The following XKR6 variants were observed in gnomAD, a reference collection of about 807,000 sequenced individuals.
The protein encoded by XKR6 is XK-related protein 6.
In XKR6, 22 loss-of-function variants were observed where a neutral mutation model predicts 56.7. The observed-to-expected ratio is 0.39, with a 90% CI of 0.28 to 0.55. The LOEUF (loss-of-function observed/expected upper bound fraction) is 0.55. Among genes scored for constraint, XKR6 ranks in the 20% least tolerant of loss-of-function variants. XKR6 has a pLI of 0.66. For synonymous variants in XKR6, 524 were observed against 387.8 expected (o/e 1.35, Z -4.13); for missense variants, 852 against 889.0 (o/e 0.96, Z 0.53).
intron 1 of XKR6, among the ~76,000 whole-genome samples, chr8:11,117,128 C>T (rs893021707): frequency 4.6e-5 from 7 of 152,180 alleles, no homozygotes; most frequent in Admixed American, 2.0e-4. Context: ...GAACATTCAA[C>T]GTCAAAGATA....
At position 11,168,855 on chromosome 8, in the gene XKR6, T is replaced by C. The variant is rs186257458; in HGVS notation, c.764+31721A>G. ...CCCAACCCAGAAATGCCTTTGTTCT[T>C]TGTATAACCAGTGGGCTTCCAGGAA... On this transcript the variant is annotated intron_variant, in intron 1 of 2. Transcript: ENST00000416569. Among the ~76,000 whole-genome samples, 57 of 152,338 alleles carry C rather than the reference T, an allele frequency of 3.7e-4. No individual in the cohort carries two copies. In the East Asian group the frequency reaches 8.9e-3, roughly 24 times the overall value.
chr8:11,072,558 A>ACG (rs1800159883), intron 1 of XKR6, among the ~76,000 whole-genome samples: 3 of 152,180 alleles, frequency 2.0e-5, no homozygotes, highest in African/African-American at 7.2e-5. Context: ...TGATGAAGCC[A>ACG]AAAGTCCACA....
At chr8:10,981,263 G>A (rs971648982) in intron 1 of XKR6, among the ~76,000 whole-genome samples, 2 of 152,154 alleles carry the variant, frequency 1.3e-5, no homozygotes, top group African/African-American at 4.8e-5. Flanking sequence ...ATAGATTTTC[G>A]AGAGTGAAGT....
intron 1 of XKR6, among the ~76,000 whole-genome samples, chr8:11,059,429 G>A (rs1799770750): frequency 6.6e-6 from 1 of 151,868 alleles, no homozygotes; most frequent in African/African-American, 2.4e-5. Context: ...GCCGAGGGCA[G>A]CGCTCAGCTC....
chr8:11,139,017 T>A (rs970284202), intron 1 of XKR6, among the ~76,000 whole-genome samples: 1 of 152,156 alleles, frequency 6.6e-6, no homozygotes, highest in Non-Finnish European at 1.5e-5. Context: ...TGGATAATTT[T>A]CAGTAACTTG....
At position 11,053,184 on chromosome 8, in the gene XKR6, T is replaced by C. The variant is rs559511225; in HGVS notation, c.765-128354A>G. Reference sequence around the variant, plus strand: ...ATCCGCTATAGGCTGCCATGTGCCATTGTGGAGGAATCACTTCCTCATCCA... The same window carrying C: ...ATCCGCTATAGGCTGCCATGTGCCACTGTGGAGGAATCACTTCCTCATCCA... On this transcript the variant is annotated intron_variant, in intron 1 of 2. Transcript: ENST00000416569. Among the ~76,000 whole-genome samples, 480 of 152,306 alleles carry C rather than the reference T, an allele frequency of 3.2e-3. 2 individuals carry two copies. The highest frequency in any genetic ancestry group is 0.011 in the African/African-American group (458 of 41,572).
intron 1 of XKR6, among the ~76,000 whole-genome samples, chr8:11,100,845 G>A (rs748562123): frequency 1.3e-5 from 2 of 152,206 alleles, no homozygotes; most frequent in African/African-American, 4.8e-5. Flanking sequence ...TTTTGTTGGC[G>A]TTGGCCTCCG....
At chr8:11,031,766 G>T (rs777156427) in intron 1 of XKR6, among the ~76,000 whole-genome samples, 1 of 152,214 alleles carries the variant, frequency 6.6e-6, no homozygotes, top group African/African-American at 2.4e-5. Context: ...TAAAATAAAC[G>T]TGACAGTGAA....
At chr8:11,137,327 G>C (rs544198428) in intron 1 of XKR6, 18 of 318,982 alleles carry the variant, frequency 5.6e-5, no homozygotes, top group African/African-American at 3.7e-4. Context: ...CAGAGCATAA[G>C]TGAGAAAAAG....
intron 1 of XKR6, among the ~76,000 whole-genome samples, chr8:11,044,896 G>T (rs570049376): frequency 6.6e-5 from 10 of 152,058 alleles, no homozygotes; most frequent in African/African-American, 1.4e-4. Flanking sequence ...GGGATTACAG[G>T]CGTGAGCCAC....
chr8:11,192,439 C>T (rs558133324), intron 1 of XKR6, among the ~76,000 whole-genome samples: 2 of 152,206 alleles, frequency 1.3e-5, no homozygotes, highest in South Asian at 2.1e-4. Context: ...TGAGCCACAG[C>T]GCCTGGCCTA....
At chr8:10,928,504 G>C (rs1057432350) in intron 1 of XKR6, among the ~76,000 whole-genome samples, 1 of 152,242 alleles carries the variant, frequency 6.6e-6, no homozygotes, top group Admixed American at 6.5e-5. Context: ...AGTTTCCTGT[G>C]TGTAAAATCC....
intron 1 of XKR6, among the ~76,000 whole-genome samples, chr8:11,007,934 G>A (rs1479717778): frequency 6.6e-6 from 1 of 151,808 alleles, no homozygotes; most frequent in Non-Finnish European, 1.5e-5. Context: ...AGTGGGGGGA[G>A]GGCAGGGCAG....
intron 1 of XKR6, among the ~76,000 whole-genome samples, chr8:11,120,226 A>G (rs1799380559): frequency 6.6e-6 from 1 of 152,132 alleles, no homozygotes; most frequent in African/African-American, 2.4e-5. Context: ...CATTCAAGTA[A>G]GAAAAGAGGA....
chr8:10,981,335 G>A (rs536791040), intron 1 of XKR6, among the ~76,000 whole-genome samples: 13 of 152,180 alleles, frequency 8.5e-5, no homozygotes, highest in Non-Finnish European at 1.6e-4. Context: ...CGGATGCACT[G>A]CACGTTCCAG....
intron 1 of XKR6, among the ~76,000 whole-genome samples, chr8:10,977,857 C>G (rs1690234847): frequency 6.6e-6 from 1 of 151,798 alleles, no homozygotes; most frequent in South Asian, 2.1e-4. Context: ...TTTTGAAAAG[C>G]TAATTTTTGA....
At chr8:10,905,699 G>A (rs1274459457) in intron 2 of XKR6, among the ~76,000 whole-genome samples, 1 of 152,028 alleles carries the variant, frequency 6.6e-6, no homozygotes, top group East Asian at 1.9e-4. Flanking sequence ...GCTAACATTT[G>A]GGGGATCTCC....
At chr8:11,183,493 T>A (rs1232458637) in intron 1 of XKR6, among the ~76,000 whole-genome samples, 2 of 151,536 alleles carry the variant, frequency 1.3e-5, no homozygotes, top group Non-Finnish European at 2.9e-5. Context: ...TTTTTTTTTT[T>A]AACTTTTTGA....
intron 1 of XKR6, among the ~76,000 whole-genome samples, chr8:10,950,548 T>C (rs1439947740): frequency 1.3e-5 from 2 of 152,190 alleles, no homozygotes; most frequent in African/African-American, 4.8e-5. Flanking sequence ...CTTGTTGGAT[T>C]CTCTCTTGAC....
Sources: allele counts gnomAD v4.1 joint callset (sites outside exome capture counted in the v4.1 genomes callset), GRCh38; gene constraint gnomAD v4.1.1; transcripts MANE v1.5; gene names NCBI Gene and HGNC (gene_info 2026-07-23, HGNC 2026-07-21).